The following KIF27 variants were observed in gnomAD, a reference collection of about 807,000 sequenced individuals.
KIF27 encodes the protein kinesin family member 27.
A neutral mutation model predicts 141.8 loss-of-function variants in KIF27; 84 were observed. That is an observed-to-expected ratio of 0.59 (90% confidence interval 0.50 to 0.71). KIF27 has a LOEUF of 0.71. Ranked by LOEUF, KIF27 falls within the 30% of genes least tolerant of loss-of-function variation. KIF27 has a pLI of 0.00. For missense variants in KIF27, 1,306 were observed against 1,628.4 expected (o/e 0.80, Z 3.41); for synonymous variants, 471 against 569.5 (o/e 0.83, Z 2.46).
chr9:83,857,047 G>A (rs1949302246), intron 14 of KIF27, among the ~76,000 whole-genome samples: 1 of 144,856 alleles, frequency 6.9e-6, no homozygotes, highest in Non-Finnish European at 1.5e-5. Context: ...TAAAGTTCAG[G>A]TATTCTTTAA....
chr9:83,840,609 A>C (rs1946445066), intron 17 of KIF27, among the ~76,000 whole-genome samples: 1 of 152,198 alleles, frequency 6.6e-6, no homozygotes, highest in Non-Finnish European at 1.5e-5. Flanking sequence ...CAAATTTGAC[A>C]GTAGACTTTT....
intron 2 of KIF27, 106 bp from the exon 3 acceptor site, chr9:83,908,758 C>CTTTT (rs11364843): frequency 6.5e-6 from 3 of 462,040 alleles, no homozygotes; most frequent in Non-Finnish European, 6.9e-6. Context: ...TATATTATAA[C>CTTTT]TTTTTTTTTT....
rs1249478458 is a variant in KIF27, at chr9:83,872,084, G to A, written c.2644-1452C>T. On this transcript the variant is annotated intron_variant, in intron 11 of 17. Coordinates refer to ENST00000297814, the MANE Select transcript of KIF27 (RefSeq NM_017576.4). ...TCATGCCTGTAATCCAGCACTTTGG[G>A]AGGCTGAGGCAGGCTGATCACCTGA... is the stretch of plus-strand genomic sequence containing the variant. Among the ~76,000 whole-genome samples, 5 of 151,224 alleles carry A rather than the reference G, an allele frequency of 3.3e-5. No homozygotes were observed. In the East Asian group the frequency reaches 8.0e-4, roughly 24 times the overall value.
intron 11 of KIF27, among the ~76,000 whole-genome samples, chr9:83,878,702 C>A (rs970820044): frequency 6.6e-6 from 1 of 151,878 alleles, no homozygotes; most frequent in African/African-American, 2.4e-5. Flanking sequence ...CTAGAATAAG[C>A]AAATTCATAT....
chr9:83,903,022 AAAATAAAT>A (rs762654973), intron 4 of KIF27, 30 bp downstream of exon 4: 2 of 1,281,516 alleles, frequency 1.6e-6, no homozygotes, highest in African/African-American at 1.5e-5. Flanking sequence ...ATGTATCAAT[AAAATAAAT>A]AAATAAATAA....
At chr9:83,894,366 G>C (rs1372852791) in intron 5 of KIF27, among the ~76,000 whole-genome samples, 8 of 152,228 alleles carry the variant, frequency 5.3e-5, no homozygotes, top group African/African-American at 1.9e-4. Flanking sequence ...GTGCAGAAGA[G>C]TTAACATAGC....
At chr9:83,869,057 T>C (rs1023855635) in intron 12 of KIF27, among the ~76,000 whole-genome samples, 1 of 152,104 alleles carries the variant, frequency 6.6e-6, no homozygotes, top group East Asian at 1.9e-4. Flanking sequence ...GTTTGAAAGA[T>C]GAATAAGAGA....
intron 14 of KIF27, among the ~76,000 whole-genome samples, chr9:83,857,784 C>T (rs956321341): frequency 2.0e-5 from 3 of 152,032 alleles, no homozygotes; most frequent in African/African-American, 7.2e-5. Flanking sequence ...CTGAGGCTGC[C>T]TTGATGAATC....
chr9:83,917,031 G>A (rs1588344230), intron 1 of KIF27, among the ~76,000 whole-genome samples: 2 of 151,376 alleles, frequency 1.3e-5, no homozygotes, highest in African/African-American at 2.4e-5. Context: ...TGTGCACAAC[G>A]TGCAGGTTTG....
At chr9:83,889,859 G>C (rs1952499927) in intron 6 of KIF27, among the ~76,000 whole-genome samples, 1 of 152,066 alleles carries the variant, frequency 6.6e-6, no homozygotes, top group Admixed American at 6.6e-5. Context: ...GGCTAGCCTG[G>C]GAGTTTTCTA....
intron 1 of KIF27, among the ~76,000 whole-genome samples, chr9:83,917,805 G>GACCATAGACCTA (rs1955844635): frequency 6.6e-6 from 1 of 152,062 alleles, no homozygotes; most frequent in Non-Finnish European, 1.5e-5. Flanking sequence ...ACCAAAAATG[G>GACCATAGACCTA]ACCATAGACC....
At chr9:83,857,541 A>G (rs62561948) in intron 14 of KIF27, among the ~76,000 whole-genome samples, 23,389 of 149,642 alleles carry the variant, frequency 0.16, 1,930 homozygotes, top group African/African-American at 0.23. Context: ...ATCATGCGCC[A>G]TACTATATTT....
chr9:83,837,519 C>G (rs532802658), intron 17 of KIF27, 34 bp from the exon 18 acceptor site: 2 of 1,545,380 alleles, frequency 1.3e-6, no homozygotes, highest in Non-Finnish European at 1.7e-6. Context: ...AAATTAGATA[C>G]TATTTCCTCA....
chr9:83,905,232 C>T (rs1416118082), intron 3 of KIF27, among the ~76,000 whole-genome samples: 1 of 152,102 alleles, frequency 6.6e-6, no homozygotes, highest in Non-Finnish European at 1.5e-5. Context: ...CATTCTCCTG[C>T]CTCAGCCTCC....
At position 83,891,490 on chromosome 9, in the gene KIF27, T is replaced by G. The variant is rs778745538; in HGVS notation, c.1614A>C (p.Ile538=). 1.2e-6 allele frequency: 2 copies of G among 1,610,416 alleles called. No individual in the cohort carries two copies. The highest frequency in any genetic ancestry group is 1.7e-6 in the Non-Finnish European group (2 of 1,177,888). Residue 538 remains isoleucine, a synonymous_variant, in exon 6 of 18, where the codon ATA becomes ATC. Transcript: ENST00000297814. ...GATCCACAAGAAGTTGTTGTTCTAT[T>G]ATTTTTTCATTCTTTGTAGAAGAGA... ...QKVNRLQNEK[I]IEQQLLVDQL... is the part of the protein sequence containing the mutation.
intron 16 of KIF27, among the ~76,000 whole-genome samples, chr9:83,848,187 T>TATATCTGATATATC: frequency 3.3e-5 from 1 of 30,338 alleles, no homozygotes; most frequent in African/African-American, 2.3e-4. Context: ...TCATATATGA[T>TATATCTGATATATC]ATATATGATA....
chr9:83,837,117 G>A lies in KIF27; in HGVS notation c.4090C>T (p.Arg1364Cys), dbSNP rs1258071081. 6.8e-6 allele frequency: 11 copies of A among 1,613,846 alleles called. No individual in the cohort carries two copies. The highest frequency in any genetic ancestry group is 2.2e-5 in the East Asian group (1 of 44,906). Residue 1364 changes from arginine to cysteine, a missense_variant, in exon 18 of 18, where the codon CGT becomes TGT. Around this residue, in one of 4 missense-constraint regions of KIF27, gnomAD observed 148 missense variants for 250.9 expected, o/e 0.59. Coordinates refer to ENST00000297814, the MANE Select transcript of KIF27 (RefSeq NM_017576.4). ...GATAGTTCCAAGGCGGAAATTTGAC[G>A]TAATTCTTTTCGACACAGTTTTACA... ...TPVKLCRKEL[R>C]QISALELSLR...
intron 5 of KIF27, 92 bp from the exon 6 acceptor site, chr9:83,891,593 T>C (rs1952688981): frequency 8.8e-7 from 1 of 1,135,076 alleles, no homozygotes; most frequent in South Asian, 1.6e-5. Flanking sequence ...ACCAAAATCA[T>C]AACTACTTTA....
intron 5 of KIF27, among the ~76,000 whole-genome samples, chr9:83,892,176 T>C (rs1280228598): frequency 6.6e-6 from 1 of 152,192 alleles, no homozygotes; most frequent in Non-Finnish European, 1.5e-5. Context: ...CAAGCACAAA[T>C]TTATGTAAAT....
Sources: gnomAD v4.1 joint callset for allele counts (sites outside exome capture counted in the v4.1 genomes callset) on GRCh38, gnomAD v4.1.1 for gene constraint, gnomAD v4.1.1 regional missense constraint, MANE v1.5 for transcripts, NCBI Gene and HGNC (gene_info 2026-07-23, HGNC 2026-07-21) for gene names.